The following ARHGEF7 variants were observed in gnomAD, a reference collection of about 807,000 sequenced individuals.
The protein encoded by ARHGEF7 is Rho guanine nucleotide exchange factor 7.
In ARHGEF7, 33 loss-of-function variants were observed where a neutral mutation model predicts 109.8. The observed-to-expected ratio is 0.30, with a 90% confidence interval of 0.23 to 0.40. ARHGEF7 has a LOEUF of 0.40. Among genes scored for constraint, ARHGEF7 ranks in the 10% least tolerant of loss-of-function variants. The probability of loss-of-function intolerance (pLI) is 1.00; values close to 1 mark genes in which losing one functional copy is unlikely to be tolerated. For synonymous variants in ARHGEF7, 458 were observed against 424.6 expected, an observed-to-expected ratio of 1.08 and a Z score of -0.97; for missense variants, 938 against 1,098.5, an observed-to-expected ratio of 0.85 and a Z score of 2.07.
At chr13:111,243,172 A>G (rs1260774968) in intron 6 of ARHGEF7, among the ~76,000 whole-genome samples, 1 of 152,196 alleles carries the variant, frequency 6.6e-6, no homozygotes. Flanking sequence ...CACTAGGGAA[A>G]GTCTGTAGTT....
At position 111,303,232 on chromosome 13, in the gene ARHGEF7, C is replaced by G. The variant is rs1302850338; in HGVS notation, c.*119C>G. On this transcript the variant is annotated 3_prime_UTR_variant, in exon 22 of 22. Transcript: ENST00000646102. The stretch of plus-strand genomic sequence containing the variant: ...GGGCTGGGTGGGGCGCCACCTTGCT[C>G]TCTGTATATAGAAAAGCTGGAGCTT... 3 of 946,858 alleles carry G rather than the reference C, an allele frequency of 3.2e-6. No homozygotes were observed. The African/African-American group carries it at 5.0e-5, about 16-fold the overall frequency. The allele number at this position is 946,858 out of a possible 1,614,324, so 58.7% of individuals were successfully genotyped here. A position where few individuals can be genotyped will look rare whatever the true frequency, so the allele number is the denominator to read the frequency against.
At position 111,262,500 on chromosome 13, in the gene ARHGEF7, C is replaced by T. The variant is rs140875233; in HGVS notation, c.951-5048C>T. ...ATCTCTGAAGGCCATCTGTTGATCACGACAGGCTGCTGGGTTCCTTGCGGC... is the reference window on the plus strand; with the variant it reads ...ATCTCTGAAGGCCATCTGTTGATCATGACAGGCTGCTGGGTTCCTTGCGGC... On this transcript the variant is annotated intron_variant, in intron 8 of 21. Coordinates refer to ENST00000646102, the MANE Select transcript of ARHGEF7 (RefSeq NM_001354046.2). Among the ~76,000 whole-genome samples, 22 of 152,274 alleles carry T rather than the reference C, an allele frequency of 1.4e-4. No homozygotes were observed. In the East Asian group the frequency reaches 3.9e-3, roughly 27 times the overall value.
intron 19 of ARHGEF7, among the ~76,000 whole-genome samples, chr13:111,300,227 A>G (rs781043727): frequency 1.3e-5 from 2 of 152,210 alleles, no homozygotes; most frequent in Non-Finnish European, 2.9e-5. Context: ...GGAAATATAA[A>G]GTTTTCATAA....
chr13:111,243,876 T>C lies in ARHGEF7; in HGVS notation c.764T>C (p.Leu255Pro). 6.3e-7 allele frequency: 1 copy of C among 1,592,954 alleles called. No homozygotes were observed. Among genetic ancestry groups the C allele is most frequent in the Non-Finnish European group, 8.6e-7 (1 of 1,162,828 alleles). Residue 255 changes from leucine to proline, a missense_variant, in exon 7 of 22, where the codon CTA becomes CCA. Leu to Pro is a moderately conservative substitution (Grantham distance 98, BLOSUM62 -3). Transcript: ENST00000646102. Reference sequence around the variant, plus strand: ...CTTATTCATCATTTATTATAGGTGCTACAGAATATTTTAGAAACAGAAAAT... The same window carrying C: ...CTTATTCATCATTTATTATAGGTGCCACAGAATATTTTAGAAACAGAAAAT... The part of the protein sequence containing the change: ...AINKSYYNVV[L>P]QNILETENEY...
intron 3 of ARHGEF7, 94 bp downstream of exon 3, chr13:111,205,467 C>A: frequency 1.3e-6 from 1 of 785,084 alleles, no homozygotes; most frequent in Non-Finnish European, 2.0e-6. Context: ...GGGAGCATTA[C>A]TGAATTTAAA....
At chr13:111,218,289 C>G (rs1250515457) in intron 5 of ARHGEF7, among the ~76,000 whole-genome samples, 1 of 151,910 alleles carries the variant, frequency 6.6e-6, no homozygotes, top group African/African-American at 2.4e-5. Flanking sequence ...TAATTTCTGT[C>G]ATTCTCTTTG....
rs113898265 is a variant in ARHGEF7, at chr13:111,273,721, T to A, written c.1074-93T>A. On this transcript the variant is annotated intron_variant, in intron 9 of 21. Coordinates refer to ENST00000646102, the MANE Select transcript of ARHGEF7 (RefSeq NM_001354046.2). The surrounding 1 kb of genome is among the most constrained non-coding windows in gnomAD (Gnocchi z 4.5). The stretch of plus-strand genomic sequence containing the variant: ...AGATGTTAAAAGCAACACTTATGTT[T>A]CATAAATTCTGGCTGTTGCTCATGG... 6,560 of 1,534,300 alleles carry A rather than the reference T, an allele frequency of 4.3e-3. 24 individuals carry two copies. Among genetic ancestry groups the A allele is most frequent in the South Asian group, 0.012 (1,021 of 86,698 alleles).
intron 8 of ARHGEF7, among the ~76,000 whole-genome samples, chr13:111,262,470 G>T (rs2091209907): frequency 1.3e-5 from 2 of 152,120 alleles, no homozygotes; most frequent in Admixed American, 1.3e-4. Flanking sequence ...TACTTGTGAA[G>T]TCTCATCTCT....
In ARHGEF7 at chr13:111,300,704, T is replaced by C. The variant is rs533030258; in HGVS notation, c.2312-44T>C. ...CAAGTTGTTTTTCTTCATTCTGCCA[T>C]GGTATTCGCCTGAGGTTTATTTATT... On this transcript the variant is annotated intron_variant, in intron 19 of 21. Transcript: ENST00000646102. The C allele has an allele frequency of 4.0e-5, 52 of 1,302,844 alleles. No individual in the cohort carries two copies. The African/African-American group carries it at 6.5e-4, about 16-fold the overall frequency. 80.7% of individuals were successfully genotyped at this position (1,302,844 alleles called of 1,614,324 possible).
intron 2 of ARHGEF7, among the ~76,000 whole-genome samples, chr13:111,193,370 G>A (rs550639516): frequency 6.6e-6 from 1 of 152,290 alleles, no homozygotes; most frequent in South Asian, 2.1e-4. Context: ...CATCTGCCCT[G>A]CGGTTTCCTT....
At chr13:111,277,801 A>C in intron 13 of ARHGEF7, 128 bp downstream of exon 13, 1 of 614,568 alleles carries the variant, frequency 1.6e-6, no homozygotes, top group Non-Finnish European at 2.8e-6. Context: ...CTGTATATTC[A>C]GATATGGACG....
At chr13:111,227,377 C>T (rs1309866691) in intron 5 of ARHGEF7, among the ~76,000 whole-genome samples, 1 of 152,186 alleles carries the variant, frequency 6.6e-6, no homozygotes, top group African/African-American at 2.4e-5. Flanking sequence ...AAGAAGTGTC[C>T]ATAGCCACCG....
At position 111,205,337 on chromosome 13, in the gene ARHGEF7, C is replaced by T; in HGVS notation, c.301C>T (p.Leu101Phe). The change falls in exon 3 of 22, where the codon CTC becomes TTC. Residue 101 changes from leucine to phenylalanine, a missense_variant. Around this residue, in one of 4 missense-constraint regions of ARHGEF7, gnomAD observed 585 missense variants for 723.6 expected, o/e 0.81. Coordinates refer to ENST00000646102, the MANE Select transcript of ARHGEF7 (RefSeq NM_001354046.2). Reference protein sequence around the residue: ...LYQGQNFNKVLSSLVTLNKVT... With the variant: ...LYQGQNFNKVFSSLVTLNKVT... ...TCAGGGGCAGAATTTTAACAAGGTC[C>T]TCAGTTCCTTAGTGACTCTAAATAA... 1 of 1,601,878 alleles carries T rather than the reference C, an allele frequency of 6.2e-7. No homozygotes were observed. The highest frequency in any genetic ancestry group is 8.5e-7 in the Non-Finnish European group (1 of 1,177,134).
intron 2 of ARHGEF7, among the ~76,000 whole-genome samples, chr13:111,171,488 C>T (rs1272963651): frequency 1.3e-5 from 2 of 152,316 alleles, no homozygotes; most frequent in African/African-American, 2.4e-5. Flanking sequence ...ACTTTAATAT[C>T]GCTCCAGGTT....
At chr13:111,268,111 TA>T (rs1284854614) in intron 9 of ARHGEF7, among the ~76,000 whole-genome samples, 1 of 152,218 alleles carries the variant, frequency 6.6e-6, no homozygotes, top group Admixed American at 6.5e-5. Context: ...ATCCTGAAAC[TA>T]AAAACAAGTG....
intron 8 of ARHGEF7, among the ~76,000 whole-genome samples, chr13:111,251,988 G>A (rs1004276346): frequency 6.6e-6 from 1 of 152,136 alleles, no homozygotes; most frequent in Admixed American, 6.5e-5. Flanking sequence ...TTTGTCTGTG[G>A]TTGCCACTGT....
At chr13:111,277,728 T>A in intron 13 of ARHGEF7, 55 bp downstream of exon 13, 2 of 1,269,288 alleles carry the variant, frequency 1.6e-6, no homozygotes, top group Middle Eastern at 2.1e-4. Flanking sequence ...AATTTCAAAC[T>A]GGCTTTGAAT....
intron 5 of ARHGEF7, among the ~76,000 whole-genome samples, chr13:111,220,793 T>G (rs1326710091): frequency 6.6e-6 from 1 of 152,018 alleles, no homozygotes; most frequent in Non-Finnish European, 1.5e-5. Flanking sequence ...ACTACTCATG[T>G]CTTAGGCGTG....
intron 2 of ARHGEF7, among the ~76,000 whole-genome samples, chr13:111,159,614 A>G (rs1370671588): frequency 6.6e-6 from 1 of 152,138 alleles, no homozygotes; most frequent in South Asian, 2.1e-4. Flanking sequence ...TTGAATGTGC[A>G]TTTCTCTGAT....
Sources: allele counts gnomAD v4.1 joint callset (sites outside exome capture counted in the v4.1 genomes callset), GRCh38; gene constraint gnomAD v4.1.1; regional missense constraint gnomAD v4.1.1; non-coding constraint Gnocchi (gnomAD v3.1); transcripts MANE v1.5; gene names NCBI Gene and HGNC (gene_info 2026-07-23, HGNC 2026-07-21).